Variants in MALRD1 observed in about 807,000 individuals in gnomAD.
The protein encoded by MALRD1 is MAM and LDL-receptor class A domain-containing protein 1.
MALRD1 carries 247 observed loss-of-function variants against 242.1 expected under a neutral mutation model. The ratio of observed to expected loss-of-function variants is 1.02; its 90% CI spans 0.92 to 1.13. The LOEUF (loss-of-function observed/expected upper bound fraction) is 1.13, where lower values mean the gene tolerates loss of function less well. MALRD1 is among the 50% of genes most tolerant of loss of function. The pLI, the probability that MALRD1 is intolerant of heterozygous loss-of-function variation, is 0.00. For missense variants in MALRD1, 2,989 were observed against 2,533.1 expected (o/e 1.18, Z -3.86); for synonymous variants, 995 against 866.6 (o/e 1.15, Z -2.60).
At chr10:19,572,801 C>G (rs142147304) in intron 33 of MALRD1, among the ~76,000 whole-genome samples, 66 of 152,200 alleles carry the variant, frequency 4.3e-4, no homozygotes, top group Non-Finnish European at 8.4e-4. Context: ...ATTGGAGTAA[C>G]TCATCTACAA....
intron 13 of MALRD1, among the ~76,000 whole-genome samples, chr10:19,172,669 T>C (rs190424169): frequency 6.6e-6 from 1 of 151,742 alleles, no homozygotes; most frequent in African/African-American, 2.4e-5. Context: ...ACTGTCGTTT[T>C]TTTTCCTCCA....
At position 19,104,008 on chromosome 10, in the gene MALRD1, G is replaced by T. The variant is rs1489596565; in HGVS notation, c.627G>T (p.Thr209=). 2.4e-6 allele frequency: 3 copies of T among 1,233,622 alleles called. No individual in the cohort carries two copies. Among genetic ancestry groups the T allele is most frequent in the East Asian group, 6.3e-5 (2 of 31,700 alleles). The allele number at this position is 1,233,622 out of a possible 1,614,324, so 76.4% of individuals were successfully genotyped here. A position where few individuals can be genotyped will look rare whatever the true frequency, so the allele number is the denominator to read the frequency against. Residue 209 remains threonine, a synonymous_variant, in exon 5 of 40, where the codon ACG becomes ACT. Transcript: ENST00000454679. ...TTTTTGAAGGTCAAATGGCTTCAACGTATGAACAGGATGAAGTCATTGCTA... is the reference window on the plus strand; with the variant it reads ...TTTTTGAAGGTCAAATGGCTTCAACTTATGAACAGGATGAAGTCATTGCTA... The part of the protein sequence containing the change: ...QVVFEGQMAS[T]YEQDEVIAID...
intron 31 of MALRD1, among the ~76,000 whole-genome samples, chr10:19,518,771 C>G (rs1272955711): frequency 1.3e-5 from 2 of 151,976 alleles, no homozygotes; most frequent in Non-Finnish European, 2.9e-5. Context: ...TCTGAAACTT[C>G]CTAAATAGAA....
intron 7 of MALRD1, among the ~76,000 whole-genome samples, chr10:19,126,305 C>A (rs1331816252): frequency 6.6e-6 from 1 of 152,042 alleles, no homozygotes; most frequent in Non-Finnish European, 1.5e-5. Flanking sequence ...TCAAGTAATT[C>A]TCTCTTACTC....
chr10:19,098,648 G>A (rs781485260), intron 4 of MALRD1, among the ~76,000 whole-genome samples: 5 of 152,088 alleles, frequency 3.3e-5, no homozygotes, highest in South Asian at 2.1e-4. Flanking sequence ...ACATATAACC[G>A]TAAGTGTTTT....
chr10:19,570,315 C>T (rs1479413072), intron 33 of MALRD1, among the ~76,000 whole-genome samples: 2 of 151,956 alleles, frequency 1.3e-5, no homozygotes, highest in East Asian at 1.9e-4. Flanking sequence ...ATATCCACAG[C>T]AATGTCTTAG....
At chr10:19,491,427 G>T in intron 29 of MALRD1, 90 bp from the exon 30 acceptor site, 1 of 1,435,156 alleles carries the variant, frequency 7.0e-7, no homozygotes. Flanking sequence ...TTGCTTACTA[G>T]TGTGAAATCT....
chr10:19,650,502 C>T (rs1209911408), intron 36 of MALRD1, among the ~76,000 whole-genome samples: 2 of 152,042 alleles, frequency 1.3e-5, no homozygotes, highest in Non-Finnish European at 2.9e-5. Flanking sequence ...CCTTAAAAGA[C>T]AACTAACACC....
chr10:19,298,648 C>G (rs1841815977), intron 21 of MALRD1, among the ~76,000 whole-genome samples: 1 of 151,930 alleles, frequency 6.6e-6, no homozygotes, highest in South Asian at 2.1e-4. Context: ...TAAAAAGCAT[C>G]AGCAGGACTA....
Position 19,586,556 on chromosome 10 carries a change from A to T in MALRD1, c.5681-8638A>T, listed in dbSNP as rs1009391242. On this transcript the variant is annotated intron_variant, in intron 33 of 39. Coordinates refer to ENST00000454679, the MANE Select transcript of MALRD1 (RefSeq NM_001142308.3). The stretch of plus-strand genomic sequence containing the variant: ...GCTGCTCAGGGGTCAGGGGTCAGGG[A>T]CCCACTTGAGGAAGCAGTCTGCCCG... Among the ~76,000 whole-genome samples, 29 of 152,066 alleles carry T rather than the reference A, an allele frequency of 1.9e-4. 1 individual carries two copies. Among genetic ancestry groups the T allele is most frequent in the Non-Finnish European group, 5.9e-5 (4 of 68,030 alleles).
At chr10:19,439,922 T>A (rs2130980818) in intron 28 of MALRD1, among the ~76,000 whole-genome samples, 1 of 152,314 alleles carries the variant, frequency 6.6e-6, no homozygotes, top group African/African-American at 2.4e-5. Context: ...AAACTTACAT[T>A]TTGTTTATTA....
chr10:19,527,683 A>G (rs1834166997), intron 31 of MALRD1, among the ~76,000 whole-genome samples: 1 of 152,218 alleles, frequency 6.6e-6, no homozygotes, highest in African/African-American at 2.4e-5. Context: ...TAGTTATTTA[A>G]CTATTTGGGA....
intron 21 of MALRD1, among the ~76,000 whole-genome samples, chr10:19,283,743 T>A (rs1840945074): frequency 6.6e-6 from 1 of 152,238 alleles, no homozygotes; most frequent in South Asian, 2.1e-4. Context: ...TTCACTGTAA[T>A]GACTTTCAAC....
chr10:19,136,397 G>A (rs1256969733), intron 9 of MALRD1, among the ~76,000 whole-genome samples, 177 bp from the exon 10 acceptor site: 1 of 151,044 alleles, frequency 6.6e-6, no homozygotes, highest in Non-Finnish European at 1.5e-5. Flanking sequence ...CTGCAGGTTT[G>A]TTATGTCAGT....
In MALRD1 at chr10:19,590,020, A is replaced by T. The variant is rs146685858; in HGVS notation, c.5681-5174A>T. Among the ~76,000 whole-genome samples the T allele has an allele frequency of 7.9e-5, 12 of 152,246 alleles. No homozygotes were observed. In the South Asian group the frequency reaches 2.3e-3, roughly 29 times the overall value. ...GCACGGTCACTGGCCTTACACCTCA[A>T]TGCCATTGGTTTTAAGCAGCCTGAC... On this transcript the variant is annotated intron_variant, in intron 33 of 39. Transcript: ENST00000454679.
Position 19,163,199 on chromosome 10 carries a change from T to G in MALRD1, c.1657-2438T>G, listed in dbSNP as rs1834517382. Among the ~76,000 whole-genome samples the G allele has an allele frequency of 3.7e-5, 5 of 136,826 alleles. No individual in the cohort carries two copies. The Admixed American group carries it at 3.8e-4, about 10-fold the overall frequency. The allele number at this position is 136,826 out of a possible 152,430, so 89.8% of individuals were successfully genotyped here. A position where few individuals can be genotyped will look rare whatever the true frequency, so the allele number is the denominator to read the frequency against. On this transcript the variant is annotated intron_variant, in intron 12 of 39. Coordinates refer to ENST00000454679, the MANE Select transcript of MALRD1 (RefSeq NM_001142308.3). ...TCTATCATAAAGATACATTCACATG[T>G]ATGTGAATGGTCATTGCAGCGCTAT...
intron 33 of MALRD1, among the ~76,000 whole-genome samples, chr10:19,575,407 C>T (rs908165875): frequency 1.3e-5 from 2 of 151,928 alleles, no homozygotes; most frequent in Non-Finnish European, 2.9e-5. Flanking sequence ...CACATAGTGT[C>T]AGAGGAGTGA....
At chr10:19,254,321 A>G (rs966548021) in intron 18 of MALRD1, among the ~76,000 whole-genome samples, 7 of 151,974 alleles carry the variant, frequency 4.6e-5, no homozygotes, top group Non-Finnish European at 8.8e-5. Flanking sequence ...ATTCTATTGT[A>G]TGAATATACT....
At chr10:19,347,245 T>C (rs942279436) in intron 24 of MALRD1, among the ~76,000 whole-genome samples, 5 of 152,174 alleles carry the variant, frequency 3.3e-5, no homozygotes, top group Non-Finnish European at 5.9e-5. Context: ...TTAACCTATT[T>C]AATTTCTGCA....
Sources: allele counts gnomAD v4.1 joint callset (sites outside exome capture counted in the v4.1 genomes callset), GRCh38; gene constraint gnomAD v4.1.1; transcripts MANE v1.5; gene names NCBI Gene and HGNC (gene_info 2026-07-23, HGNC 2026-07-21).